SPTBN1: variants seen among roughly 807,000 people sequenced by gnomAD.
SPTBN1 encodes spectrin beta chain, non-erythrocytic 1.
In SPTBN1, 32 loss-of-function variants were observed where a neutral mutation model predicts 266.4. The observed-to-expected ratio is 0.12, with a 90% CI of 0.09 to 0.16. The LOEUF is 0.16. SPTBN1 is among the 10% of genes least tolerant of loss of function. The pLI is 1.00. For missense variants in SPTBN1, 2,296 were observed against 3,067.1 expected (o/e 0.75, Z 5.94); for synonymous variants, 1,336 against 1,162.2 (o/e 1.15, Z -3.04).
chr2:54,493,773 T>C (rs560182109), intron 1 of SPTBN1, among the ~76,000 whole-genome samples: 3 of 152,344 alleles, frequency 2.0e-5, no homozygotes, highest in African/African-American at 4.8e-5. Context: ...AACATAGATA[T>C]TTGCAGGTGA....
intron 18 of SPTBN1, among the ~76,000 whole-genome samples, chr2:54,639,913 A>G (rs1443033166): frequency 2.6e-5 from 4 of 152,282 alleles, no homozygotes; most frequent in Admixed American, 6.5e-5. Flanking sequence ...CTGCGAAATC[A>G]TCCTGGTTTA....
chr2:54,484,862 A>G (rs200617682), intron 1 of SPTBN1, among the ~76,000 whole-genome samples: 1 of 151,324 alleles, frequency 6.6e-6, no homozygotes, highest in Non-Finnish European at 1.5e-5. Context: ...GACAAGTTTG[A>G]TAAGAGTGTT....
Position 54,670,602 on chromosome 2 carries a change from A to T in SPTBN1, c.*2033A>T. On this transcript the variant is annotated 3_prime_UTR_variant, in exon 36 of 36. Coordinates refer to ENST00000356805, the MANE Select transcript of SPTBN1 (RefSeq NM_003128.3). Reference sequence around the variant, plus strand: ...AGACCAAAATGTTTAGTTAAGGCAAAGTATCTTGGAAACAATTGTGATTAA... The same window carrying T: ...AGACCAAAATGTTTAGTTAAGGCAATGTATCTTGGAAACAATTGTGATTAA... 5.0e-6 allele frequency: 2 copies of T among 398,524 alleles called. No individual in the cohort carries two copies. The highest frequency in any genetic ancestry group is 6.3e-4 in the Middle Eastern group (1 of 1,590). The allele number at this position is 398,524 out of a possible 1,614,324, so 24.7% of individuals were successfully genotyped here. A position where few individuals can be genotyped will look rare whatever the true frequency, so the allele number is the denominator to read the frequency against.
chr2:54,642,664 G>A (rs115142773), intron 18 of SPTBN1, among the ~76,000 whole-genome samples: 2 of 152,148 alleles, frequency 1.3e-5, no homozygotes, highest in Non-Finnish European at 2.9e-5. Context: ...GTCTTGGAGT[G>A]GTTAGGGTAG....
chr2:54,644,205 T>A, intron 19 of SPTBN1, 118 bp from the exon 20 acceptor site: 1 of 1,274,094 alleles, frequency 7.8e-7, no homozygotes, highest in Non-Finnish European at 1.1e-6. Flanking sequence ...GTGGAAAGAC[T>A]GTGTGTATTG....
Position 54,533,394 on chromosome 2 carries a change from G to GTT in SPTBN1, c.148+6829_148+6830insTT, listed in dbSNP as rs1365616056. On this transcript the variant is annotated intron_variant, in intron 2 of 35. Transcript: ENST00000356805. This position sits in a 1 kb window ranked among gnomAD's most constrained non-coding sequence, Gnocchi z 4.2. Reference sequence around the variant, plus strand: ...TGTGTGTGTGTGTGTGTGTGTGTGTGTCTAAACCATTTGACTTCTAGTGAA... The same window carrying GTT: ...TGTGTGTGTGTGTGTGTGTGTGTGTGTTTCTAAACCATTTGACTTCTAGTGAA... Among the ~76,000 whole-genome samples, 4 of 135,082 alleles carry GTT rather than the reference G, an allele frequency of 3.0e-5. No individual in the cohort carries two copies. Among genetic ancestry groups the GTT allele is most frequent in the Non-Finnish European group, 4.8e-5 (3 of 62,360 alleles). 88.6% of individuals were successfully genotyped at this position (135,082 alleles called of 152,430 possible).
intron 3 of SPTBN1, among the ~76,000 whole-genome samples, chr2:54,608,681 C>T (rs923406062): frequency 1.3e-5 from 2 of 151,342 alleles, no homozygotes; most frequent in South Asian, 2.1e-4. Context: ...ATTTTGTGTG[C>T]GTGTGTGTGC....
intron 2 of SPTBN1, among the ~76,000 whole-genome samples, chr2:54,531,596 T>G (rs1235836482): frequency 6.8e-6 from 1 of 146,734 alleles, no homozygotes; most frequent in Non-Finnish European, 1.5e-5. Flanking sequence ...GCTATATCGG[T>G]TTTTGTTTTT....
chr2:54,462,680 A>G (rs1277868205), intron 1 of SPTBN1, among the ~76,000 whole-genome samples: 1 of 152,236 alleles, frequency 6.6e-6, no homozygotes, highest in Admixed American at 6.5e-5. Context: ...AATATATTTT[A>G]TGTACTATAC....
intron 2 of SPTBN1, among the ~76,000 whole-genome samples, chr2:54,590,325 C>G (rs1300648806): frequency 6.6e-6 from 1 of 152,186 alleles, no homozygotes; most frequent in Non-Finnish European, 1.5e-5. Flanking sequence ...TATGAAATTT[C>G]CCTCCTCAAC....
At chr2:54,651,768 C>T (rs748461006) in intron 26 of SPTBN1, among the ~76,000 whole-genome samples, 51 of 152,080 alleles carry the variant, frequency 3.4e-4, no homozygotes, top group Non-Finnish European at 7.1e-4. Flanking sequence ...CAGATAATTT[C>T]CTAGGAATTT....
At chr2:54,651,006 C>T (rs1237080689) in intron 26 of SPTBN1, among the ~76,000 whole-genome samples, 1 of 152,192 alleles carries the variant, frequency 6.6e-6, no homozygotes, top group Non-Finnish European at 1.5e-5. Context: ...GTTTAATTTA[C>T]CTCTCTAAGC....
At chr2:54,584,880 G>A (rs1262250342) in intron 2 of SPTBN1, among the ~76,000 whole-genome samples, 1 of 152,186 alleles carries the variant, frequency 6.6e-6, no homozygotes, top group East Asian at 1.9e-4. Context: ...CCCCACACCT[G>A]TTGGAAGCAC....
chr2:54,511,949 T>C (rs1450942524), intron 1 of SPTBN1, among the ~76,000 whole-genome samples: 1 of 152,128 alleles, frequency 6.6e-6, no homozygotes, highest in East Asian at 1.9e-4. Context: ...TTTCCTCCAA[T>C]TAGATGGTCC....
chr2:54,644,797 T>C (rs981802086), intron 20 of SPTBN1, among the ~76,000 whole-genome samples: 1 of 152,198 alleles, frequency 6.6e-6, no homozygotes. Flanking sequence ...ATTAGGAGTA[T>C]TGGGTGTTGG....
intron 2 of SPTBN1, among the ~76,000 whole-genome samples, chr2:54,592,854 C>G (rs1348961313): frequency 6.6e-6 from 1 of 152,218 alleles, no homozygotes; most frequent in Non-Finnish European, 1.5e-5. Context: ...GAGGACCTCA[C>G]CACTACTGGC....
intron 1 of SPTBN1, chr2:54,457,161 C>CA (rs1693094022): frequency 7.3e-6 from 1 of 136,438 alleles, no homozygotes; most frequent in Admixed American, 7.0e-5. Context: ...CCGCCCCCCC[C>CA]CCGCCCTTTC....
chr2:54,576,038 T>C (rs1211322025), intron 2 of SPTBN1, among the ~76,000 whole-genome samples: 1 of 146,350 alleles, frequency 6.8e-6, no homozygotes, highest in East Asian at 2.0e-4. Context: ...TTTTTTCCTT[T>C]TGTCACTCAG....
At chr2:54,467,787 T>C (rs142887131) in intron 1 of SPTBN1, among the ~76,000 whole-genome samples, 96 of 152,270 alleles carry the variant, frequency 6.3e-4, no homozygotes, top group African/African-American at 2.0e-3. Flanking sequence ...TTTCTGCTAA[T>C]ACACATAGTA....
Sources: allele counts gnomAD v4.1 joint callset (sites outside exome capture counted in the v4.1 genomes callset), GRCh38; gene constraint gnomAD v4.1.1; non-coding constraint Gnocchi (gnomAD v3.1); transcripts MANE v1.5; gene names NCBI Gene and HGNC (gene_info 2026-07-23, HGNC 2026-07-21).